Variants in PPP4R4 observed in about 807,000 individuals in gnomAD.
The protein encoded by PPP4R4 is protein phosphatase 4 regulatory subunit 4, also known as serine/threonine-protein phosphatase 4 regulatory subunit 4.
A neutral mutation model predicts 121.8 loss-of-function variants in PPP4R4; 70 were observed. That is an observed-to-expected ratio of 0.57 (90% CI 0.47 to 0.70). The LOEUF (loss-of-function observed/expected upper bound fraction) is 0.70. Among genes scored for constraint, PPP4R4 ranks in the 30% least tolerant of loss-of-function variants. The pLI is 0.00. For missense variants in PPP4R4, 875 were observed against 1,033.6 expected, an observed-to-expected ratio of 0.85 and a Z score of 2.10; for synonymous variants, 348 against 355.7, an observed-to-expected ratio of 0.98 and a Z score of 0.24.
rs1892855060 is a variant in PPP4R4, at chr14:94,245,655, T to A, written c.1413T>A (p.Ser471Arg). ...TTATGTCTACTGGTGGAGAAAGCAGTGTTCAAGAAAATAAGGTAAACTTCA... is the reference window on the plus strand; with the variant it reads ...TTATGTCTACTGGTGGAGAAAGCAGAGTTCAAGAAAATAAGGTAAACTTCA... The part of the protein sequence containing the change: ...LELMSTGGES[S>R]VQENKLSSLP... The change falls in exon 13 of 25, where the codon AGT (serine) becomes AGA (arginine). Residue 471 changes from serine (S) to arginine (R), a missense_variant. Physicochemically the swap from Ser to Arg is moderately radical, Grantham distance 110. Transcript: ENST00000304338. The A allele has an allele frequency of 6.3e-7, 1 of 1,593,644 alleles. No individual in the cohort carries two copies. The highest frequency in any genetic ancestry group is 8.6e-7 in the Non-Finnish European group (1 of 1,164,072).
chr14:94,232,811 C>T (rs545574386), intron 5 of PPP4R4, among the ~76,000 whole-genome samples: 2 of 152,234 alleles, frequency 1.3e-5, no homozygotes, highest in African/African-American at 4.8e-5. Flanking sequence ...GTAATCCCAG[C>T]CCTGTGGGAG....
intron 3 of PPP4R4, among the ~76,000 whole-genome samples, chr14:94,224,239 A>C (rs1402583282): frequency 2.0e-5 from 3 of 152,226 alleles, no homozygotes; most frequent in African/African-American, 7.2e-5. Flanking sequence ...CAAATTATGC[A>C]GATCCTTAGG....
chr14:94,265,813 C>T lies in PPP4R4; in HGVS notation c.2304C>T (p.Ser768=). 6.2e-7 allele frequency: 1 copy of T among 1,604,456 alleles called. No homozygotes were observed. The highest frequency in any genetic ancestry group is 8.5e-7 in the Non-Finnish European group (1 of 1,174,882). The part of the protein sequence containing the change: ...TPSTSKEIKK[S]KLIRSQSFNN... ...CTCTAGGTAAAGAAATCAAGAAATC[C>T]AAACTGATTCGAAGCCAGTCTTTTA... The change falls in exon 22 of 25, where the codon TCC becomes TCT. Residue 768 remains serine (S), a synonymous_variant. Coordinates refer to ENST00000304338, the MANE Select transcript of PPP4R4 (RefSeq NM_058237.2).
At chr14:94,219,818 C>T (rs1319942619) in intron 3 of PPP4R4, among the ~76,000 whole-genome samples, 2 of 152,118 alleles carry the variant, frequency 1.3e-5, no homozygotes, top group Non-Finnish European at 2.9e-5. Flanking sequence ...AAATCTTAGC[C>T]AGGTGTGATG....
intron 2 of PPP4R4, among the ~76,000 whole-genome samples, chr14:94,177,322 G>T (rs938447811): frequency 1.1e-4 from 17 of 152,160 alleles, no homozygotes; most frequent in African/African-American, 4.1e-4. Flanking sequence ...TTACTTCAAA[G>T]AAAACTTCTA....
chr14:94,206,854 A>T (rs1222941194), intron 2 of PPP4R4, among the ~76,000 whole-genome samples: 3 of 152,076 alleles, frequency 2.0e-5, no homozygotes, highest in African/African-American at 7.2e-5. Flanking sequence ...TAAAAATAAT[A>T]GAAATTTATT....
intron 2 of PPP4R4, among the ~76,000 whole-genome samples, chr14:94,199,030 A>G (rs556790820): frequency 7.7e-4 from 117 of 152,294 alleles, no homozygotes; most frequent in African/African-American, 2.7e-3. Context: ...TTCCATATAG[A>G]TTTTAGAATA....
At position 94,175,056 on chromosome 14, in the gene PPP4R4, C is replaced by T. The variant is rs147606101; in HGVS notation, c.117+474C>T. Among the ~76,000 whole-genome samples, 794 of 150,742 alleles carry T rather than the reference C, an allele frequency of 5.3e-3. 5 individuals are homozygous for T. The highest frequency in any genetic ancestry group is 0.021 in the South Asian group (99 of 4,718). On this transcript the variant is annotated intron_variant, in intron 1 of 24. Transcript: ENST00000304338. ...CTCCTGGGCTCCCCAACCTCTGGTCCGCTGACGCCGCCCGGGTTCTGGCCC... is the reference window on the plus strand; with the variant it reads ...CTCCTGGGCTCCCCAACCTCTGGTCTGCTGACGCCGCCCGGGTTCTGGCCC...
intron 3 of PPP4R4, among the ~76,000 whole-genome samples, chr14:94,221,696 A>G (rs1476857555): frequency 6.6e-6 from 1 of 152,062 alleles, no homozygotes; most frequent in African/African-American, 2.4e-5. Context: ...AAAAACAGCA[A>G]TTGACCATAC....
rs546458663 is a variant in PPP4R4, at chr14:94,227,930, C to T, written c.295-2657C>T. ...AATTGTTAGTGTGGAAGAAATGTTT[C>T]TTTTGGGAACACTAAAACAAAGGGG... On this transcript the variant is annotated intron_variant, in intron 3 of 24. Transcript: ENST00000304338. 7.4e-6 allele frequency: 7 copies of T among 945,346 alleles called. No individual in the cohort carries two copies. In the African/African-American group the frequency reaches 1.1e-4, roughly 14 times the overall value. The allele number at this position is 945,346 out of a possible 1,614,324, so 58.6% of individuals were successfully genotyped here. A position where few individuals can be genotyped will look rare whatever the true frequency, so the allele number is the denominator to read the frequency against.
intron 8 of PPP4R4, among the ~76,000 whole-genome samples, chr14:94,239,683 A>G (rs1219064553): frequency 3.3e-5 from 5 of 152,090 alleles, no homozygotes; most frequent in African/African-American, 1.2e-4. Context: ...TTGTGATGCA[A>G]GAACAGAGCT....
intron 8 of PPP4R4, 25 bp from the exon 9 acceptor site, chr14:94,240,648 T>C (rs777748565): frequency 6.3e-7 from 1 of 1,592,722 alleles, no homozygotes. Flanking sequence ...ATTTAAAGTA[T>C]GTATTATTTT....
chr14:94,244,986 C>T lies in PPP4R4; in HGVS notation c.1344+274C>T, dbSNP rs150816702. Among the ~76,000 whole-genome samples the T allele has an allele frequency of 1.2e-3, 179 of 151,936 alleles. 4 individuals carry two copies. Among genetic ancestry groups the T allele is most frequent in the African/African-American group, 4.1e-3 (168 of 41,478 alleles). On this transcript the variant is annotated intron_variant, in intron 12 of 24. Transcript: ENST00000304338. ...GTGCCAAAAAACAGACAAAAGAATGCCTTTAATTTCAATTACTGTTACTAT... is the reference window on the plus strand; with the variant it reads ...GTGCCAAAAAACAGACAAAAGAATGTCTTTAATTTCAATTACTGTTACTAT...
At chr14:94,223,951 A>G (rs1215650448) in intron 3 of PPP4R4, among the ~76,000 whole-genome samples, 4 of 152,244 alleles carry the variant, frequency 2.6e-5, no homozygotes, top group Non-Finnish European at 5.9e-5. Flanking sequence ...GAAGTAATCA[A>G]GAACCTAAAA....
At chr14:94,260,994 A>T (rs1893758069) in intron 19 of PPP4R4, among the ~76,000 whole-genome samples, 5 of 151,840 alleles carry the variant, frequency 3.3e-5, no homozygotes. Context: ...ATATATGTTT[A>T]TTTTTTTCCA....
chr14:94,178,079 C>T (rs993982616), intron 2 of PPP4R4, among the ~76,000 whole-genome samples: 1 of 152,140 alleles, frequency 6.6e-6, no homozygotes, highest in Non-Finnish European at 1.5e-5. Flanking sequence ...AGGGATGATG[C>T]CAAGAATGCC....
intron 23 of PPP4R4, among the ~76,000 whole-genome samples, chr14:94,273,840 A>G (rs118104596): frequency 1.6e-4 from 24 of 152,130 alleles, no homozygotes; most frequent in Non-Finnish European, 3.1e-4. Flanking sequence ...ACAAAAACAA[A>G]CCCTGAACCT....
chr14:94,266,197 A>G (rs1011517074), intron 22 of PPP4R4, among the ~76,000 whole-genome samples: 1 of 152,144 alleles, frequency 6.6e-6, no homozygotes, highest in Non-Finnish European at 1.5e-5. Flanking sequence ...TTAACTTTTA[A>G]TACGTATGAG....
intron 3 of PPP4R4, among the ~76,000 whole-genome samples, chr14:94,223,847 C>T (rs1595493855): frequency 6.6e-6 from 1 of 152,012 alleles, no homozygotes; most frequent in South Asian, 2.1e-4. Context: ...TATATACCTG[C>T]ATAGGTTCTC....
Sources: gnomAD v4.1 joint callset for allele counts (sites outside exome capture counted in the v4.1 genomes callset) on GRCh38, gnomAD v4.1.1 for gene constraint, MANE v1.5 for transcripts, NCBI Gene and HGNC (gene_info 2026-07-23, HGNC 2026-07-21) for gene names.